The following IL1RAPL1 variants were observed in gnomAD, a reference collection of about 807,000 sequenced individuals.
IL1RAPL1 encodes interleukin-1 receptor accessory protein-like 1.
In IL1RAPL1, 3 loss-of-function variants were observed where a neutral mutation model predicts 48.4. The observed-to-expected ratio is 0.06, with a 90% CI of 0.03 to 0.16. IL1RAPL1 has a LOEUF of 0.16. Ranked by LOEUF, IL1RAPL1 falls within the 10% of genes least tolerant of loss-of-function variation. The probability of loss-of-function intolerance (pLI) is 1.00; values close to 1 mark genes in which losing one functional copy is unlikely to be tolerated. For missense variants in IL1RAPL1, 349 were observed against 530.6 expected, an observed-to-expected ratio of 0.66 and a Z score of 3.36; for synonymous variants, 185 against 187.7, an observed-to-expected ratio of 0.99 and a Z score of 0.12.
At chrX:28,618,945 C>T (rs1338867713) in intron 1 of IL1RAPL1, among the ~76,000 whole-genome samples, 1 of 111,540 alleles carries the variant, frequency 9.0e-6, no homozygotes. Context: ...GCTGCACCTT[C>T]TTTTCCTCAC....
At chrX:29,829,814 A>G (rs931847469) in intron 6 of IL1RAPL1, among the ~76,000 whole-genome samples, 1 of 112,063 alleles carries the variant, frequency 8.9e-6, no homozygotes, top group African/African-American at 3.2e-5. Context: ...TTAATCTGAG[A>G]ATAACATACC....
chrX:28,962,103 T>C (rs112218510), intron 2 of IL1RAPL1, among the ~76,000 whole-genome samples: 1,163 of 111,950 alleles, frequency 0.01, 16 homozygotes, highest in African/African-American at 0.036. Flanking sequence ...TAAGAAGATA[T>C]ATATTTGTTC....
At chrX:29,662,926 G>GCCA (rs1355074815) in intron 5 of IL1RAPL1, among the ~76,000 whole-genome samples, 1 of 111,749 alleles carries the variant, frequency 8.9e-6, no homozygotes, top group Non-Finnish European at 1.9e-5. Flanking sequence ...GAGAAATGTT[G>GCCA]CCAACCCCAA....
chrX:29,538,338 C>CTTTTTT (rs397896582), intron 5 of IL1RAPL1, among the ~76,000 whole-genome samples: 100 of 83,481 alleles, frequency 1.2e-3, no homozygotes, highest in African/African-American at 1.9e-3. Flanking sequence ...CTTTTCTTTT[C>CTTTTTT]TTTTTTTTTT....
At chrX:29,484,417 C>T (rs1935075346) in intron 5 of IL1RAPL1, among the ~76,000 whole-genome samples, 1 of 111,670 alleles carries the variant, frequency 9.0e-6, no homozygotes, top group South Asian at 3.8e-4. Context: ...CCTCCAAATA[C>T]GATCAACATA....
chrX:29,803,242 T>C (rs1397230071), intron 6 of IL1RAPL1, among the ~76,000 whole-genome samples: 9 of 35,680 alleles, frequency 2.5e-4, no homozygotes, highest in African/African-American at 9.8e-4. Flanking sequence ...CATGTATATA[T>C]GTATACATAT....
intron 5 of IL1RAPL1, among the ~76,000 whole-genome samples, chrX:29,597,149 ATTTTTTTTT>A (rs35180262): frequency 1.8e-5 from 1 of 55,942 alleles, no homozygotes; most frequent in East Asian, 5.7e-4. Context: ...TTTGTTGAGG[ATTTTTTTTT>A]TTTTTTTTTT....
intron 2 of IL1RAPL1, among the ~76,000 whole-genome samples, chrX:29,045,894 C>T (rs1424057833): frequency 3.9e-5 from 4 of 102,190 alleles, no homozygotes; most frequent in Non-Finnish European, 8.2e-5. Context: ...CTTCCTCCTC[C>T]TCCACCTCCT....
At chrX:29,179,118 T>C in intron 2 of IL1RAPL1, among the ~76,000 whole-genome samples, 1 of 111,018 alleles carries the variant, frequency 9.0e-6, no homozygotes, top group Middle Eastern at 4.6e-3. Context: ...AGTAGTTTTT[T>C]CCAATTCTGT....
In IL1RAPL1 at chrX:28,901,338, A is replaced by G. The variant is rs373121846; in HGVS notation, c.82+111913A>G. ...CACTGTTACTGTTTTTCAATTAGGA[A>G]GCATCATGCCATTTGAAATTTGGGT... On this transcript the variant is annotated intron_variant, in intron 2 of 10. Transcript: ENST00000378993. Among the ~76,000 whole-genome samples the G allele has an allele frequency of 2.1e-4, 24 of 112,366 alleles. No individual in the cohort carries two copies. The East Asian group carries it at 2.2e-3, about 10-fold the overall frequency.
At chrX:29,151,119 A>G (rs1602083066) in intron 2 of IL1RAPL1, among the ~76,000 whole-genome samples, 1 of 110,322 alleles carries the variant, frequency 9.1e-6, no homozygotes, top group South Asian at 3.9e-4. Flanking sequence ...AACATGAAAC[A>G]AAAGCTTCAG....
intron 3 of IL1RAPL1, among the ~76,000 whole-genome samples, chrX:29,379,921 C>T (rs1340786855): frequency 9.1e-6 from 1 of 110,415 alleles, no homozygotes; most frequent in Non-Finnish European, 1.9e-5. Context: ...CTCTCCCTTC[C>T]CTACCCTTCC....
chrX:29,398,151 T>G (rs1433553015), intron 4 of IL1RAPL1, among the ~76,000 whole-genome samples: 3 of 112,215 alleles, frequency 2.7e-5, no homozygotes, highest in Admixed American at 1.9e-4. Flanking sequence ...TCTGGCTAAA[T>G]GTAGATGTCA....
At chrX:28,822,974 T>C (rs1221548298) in intron 2 of IL1RAPL1, among the ~76,000 whole-genome samples, 2 of 111,908 alleles carry the variant, frequency 1.8e-5, no homozygotes, top group Non-Finnish European at 3.8e-5. Flanking sequence ...GACTGTTCTT[T>C]TAACCCAAGA....
At chrX:28,879,228 A>G (rs985041139) in intron 2 of IL1RAPL1, among the ~76,000 whole-genome samples, 1 of 111,688 alleles carries the variant, frequency 9.0e-6, no homozygotes, top group African/African-American at 3.2e-5. Context: ...CTTGAGTTAT[A>G]CAATGAGACC....
chrX:29,080,744 CTT>C (rs759930481), intron 2 of IL1RAPL1, among the ~76,000 whole-genome samples: 23 of 96,864 alleles, frequency 2.4e-4, no homozygotes, highest in Admixed American at 3.4e-4. Flanking sequence ...CAAGCAAATA[CTT>C]TTTTTTTTTT....
At chrX:29,378,672 A>G (rs569979648) in intron 3 of IL1RAPL1, among the ~76,000 whole-genome samples, 10 of 112,278 alleles carry the variant, frequency 8.9e-5, no homozygotes, top group African/African-American at 2.3e-4. Flanking sequence ...TTGGGCTGCA[A>G]TCCTGTAGAT....
intron 1 of IL1RAPL1, among the ~76,000 whole-genome samples, chrX:28,633,962 C>G (rs759743790): frequency 1.8e-5 from 2 of 111,306 alleles, no homozygotes; most frequent in Non-Finnish European, 1.9e-5. Flanking sequence ...CACTTAATTG[C>G]TTTTACTAAA....
chrX:28,906,398 T>C (rs978707761), intron 2 of IL1RAPL1, among the ~76,000 whole-genome samples: 4 of 112,150 alleles, frequency 3.6e-5, no homozygotes, highest in African/African-American at 1.3e-4. Context: ...ATTTGGATAG[T>C]CACAGTAAGT....
Sources: allele counts gnomAD v4.1 joint callset (sites outside exome capture counted in the v4.1 genomes callset), GRCh38; gene constraint gnomAD v4.1.1; transcripts MANE v1.5; gene names NCBI Gene and HGNC (gene_info 2026-07-23, HGNC 2026-07-21).